GFRAL: variants seen among roughly 807,000 people sequenced by gnomAD.
GFRAL encodes the protein GDNF family receptor alpha like, also known as GDNF family receptor alpha-like.
A neutral mutation model predicts 45.4 loss-of-function variants in GFRAL; 36 were observed. The ratio of observed to expected loss-of-function variants is 0.79; its 90% CI spans 0.61 to 1.05. The LOEUF (loss-of-function observed/expected upper bound fraction) is 1.05, where lower values mean the gene tolerates loss of function less well. GFRAL is among the 50% of genes least tolerant of loss of function. The pLI is 0.00. For missense variants in GFRAL, 507 were observed against 467.5 expected (o/e 1.08, Z -0.78); for synonymous variants, 166 against 154.1 (o/e 1.08, Z -0.57).
At chr6:55,394,180 G>T (rs752547743) in intron 6 of GFRAL, among the ~76,000 whole-genome samples, 52 of 152,194 alleles carry the variant, frequency 3.4e-4, no homozygotes, top group Middle Eastern at 3.2e-3. Context: ...AGTATAGTAA[G>T]AGGAAACCTA....
chr6:55,392,840 T>C (rs1400982346), intron 6 of GFRAL, among the ~76,000 whole-genome samples: 1 of 151,964 alleles, frequency 6.6e-6, no homozygotes, highest in Admixed American at 6.6e-5. Flanking sequence ...AGTTCACCTA[T>C]GTAACAAACC....
intron 1 of GFRAL, among the ~76,000 whole-genome samples, chr6:55,331,239 G>A (rs1265355659): frequency 6.6e-6 from 1 of 152,068 alleles, no homozygotes; most frequent in African/African-American, 2.4e-5. Context: ...TACTTTACTA[G>A]AAGAATAAAA....
intron 3 of GFRAL, among the ~76,000 whole-genome samples, chr6:55,340,227 T>A (rs1233242191): frequency 6.6e-6 from 1 of 152,150 alleles, no homozygotes; most frequent in East Asian, 1.9e-4. Flanking sequence ...TCCACAGACC[T>A]TCTAATCATC....
chr6:55,394,239 GC>G (rs1768792781), intron 6 of GFRAL, among the ~76,000 whole-genome samples: 1 of 152,110 alleles, frequency 6.6e-6, no homozygotes, highest in Non-Finnish European at 1.5e-5. Context: ...AGATATGCAA[GC>G]AAAAATATCA....
intron 6 of GFRAL, among the ~76,000 whole-genome samples, chr6:55,365,869 A>T (rs1247708606): frequency 2.0e-5 from 3 of 146,524 alleles, no homozygotes; most frequent in African/African-American, 5.2e-5. Flanking sequence ...TTTTTGCATC[A>T]ATGTTCATCA....
chr6:55,391,688 T>C (rs55776738), intron 6 of GFRAL, among the ~76,000 whole-genome samples: 14,850 of 151,302 alleles, frequency 0.098, 1,003 homozygotes, highest in African/African-American at 0.2. Flanking sequence ...AGTTCAAAGT[T>C]GCAGTGAAGT....
intron 3 of GFRAL, among the ~76,000 whole-genome samples, chr6:55,341,850 C>A (rs1490995382): frequency 3.3e-5 from 5 of 152,112 alleles, no homozygotes; most frequent in Non-Finnish European, 7.3e-5. Flanking sequence ...AGCTGAAAAC[C>A]ATGGCACGAG....
At chr6:55,334,106 CTATT>C (rs1767863890) in intron 3 of GFRAL, among the ~76,000 whole-genome samples, 162 bp downstream of exon 3, 1 of 151,906 alleles carries the variant, frequency 6.6e-6, no homozygotes, top group Non-Finnish European at 1.5e-5. Flanking sequence ...GTAGGTGTAT[CTATT>C]TGAGGGGTAC....
chr6:55,338,936 C>T (rs1212299666), intron 3 of GFRAL, among the ~76,000 whole-genome samples: 1 of 151,966 alleles, frequency 6.6e-6, no homozygotes, highest in Non-Finnish European at 1.5e-5. Context: ...TCATCAGTTT[C>T]TCAAAAGTTA....
At chr6:55,332,105 G>GT (rs1310914232) in intron 2 of GFRAL, among the ~76,000 whole-genome samples, 4 of 151,936 alleles carry the variant, frequency 2.6e-5, no homozygotes, top group African/African-American at 9.7e-5. Flanking sequence ...CTCTCACCAT[G>GT]TATAATGCTA....
intron 6 of GFRAL, among the ~76,000 whole-genome samples, chr6:55,366,061 A>G (rs945599933): frequency 2.0e-5 from 3 of 151,490 alleles, no homozygotes; most frequent in African/African-American, 4.9e-5. Context: ...CTGTGAATCC[A>G]TCTGGTCCTT....
chr6:55,336,047 T>C (rs114324555), intron 3 of GFRAL, among the ~76,000 whole-genome samples: 1,992 of 152,286 alleles, frequency 0.013, 23 homozygotes, highest in Non-Finnish European at 0.022. Flanking sequence ...TGGGTTCAAG[T>C]GATTCTCTTG....
At chr6:55,379,541 T>C (rs1405910539) in intron 6 of GFRAL, among the ~76,000 whole-genome samples, 1 of 149,176 alleles carries the variant, frequency 6.7e-6, no homozygotes, top group Non-Finnish European at 1.5e-5. Flanking sequence ...AAAAATTATA[T>C]GTATTTACCA....
chr6:55,360,424 A>G (rs920719381), intron 6 of GFRAL, among the ~76,000 whole-genome samples: 1 of 152,018 alleles, frequency 6.6e-6, no homozygotes, highest in African/African-American at 2.4e-5. Flanking sequence ...ATCTGTATCT[A>G]TATCTATATA....
intron 3 of GFRAL, among the ~76,000 whole-genome samples, chr6:55,343,209 A>T (rs546489390): frequency 6.6e-6 from 1 of 152,316 alleles, no homozygotes; most frequent in African/African-American, 2.4e-5. Flanking sequence ...TCCACCCGAA[A>T]TCAACAGAAT....
At chr6:55,328,621 C>A (rs1767794495) in intron 1 of GFRAL, among the ~76,000 whole-genome samples, 1 of 150,986 alleles carries the variant, frequency 6.6e-6, no homozygotes, top group East Asian at 1.9e-4. Flanking sequence ...TTCTTTAGTT[C>A]TTTTTTGTGA....
Position 55,351,135 on chromosome 6 carries a change from A to G in GFRAL, c.371-118A>G, listed in dbSNP as rs796490326. The G allele has an allele frequency of 1.2e-5, 9 of 727,014 alleles. No homozygotes were observed. The African/African-American group carries it at 1.6e-4, about 13-fold the overall frequency. 45.0% of individuals were successfully genotyped at this position (727,014 alleles called of 1,614,324 possible). ...TCTAAAAGATGTAATGTTTGCCAAAAATAGGACATTGGTACATCATTGTAT... is the reference window on the plus strand; with the variant it reads ...TCTAAAAGATGTAATGTTTGCCAAAGATAGGACATTGGTACATCATTGTAT... On this transcript the variant is annotated intron_variant, in intron 4 of 8. Coordinates refer to ENST00000340465, the MANE Select transcript of GFRAL (RefSeq NM_207410.2).
Position 55,358,972 on chromosome 6 carries a change from A to C in GFRAL, c.786A>C (p.Leu262Phe). 6.2e-7 allele frequency: 1 copy of C among 1,613,110 alleles called. No individual in the cohort carries two copies. Among genetic ancestry groups the C allele is most frequent in the African/African-American group, 1.3e-5 (1 of 74,956 alleles). Residue 262 changes from leucine to phenylalanine, a missense_variant, in exon 6 of 9, where the codon TTA becomes TTC. By Grantham distance (22) the Leu-to-Phe change is conservative. Coordinates refer to ENST00000340465, the MANE Select transcript of GFRAL (RefSeq NM_207410.2). ...AAGATGAGAATTGCATTAGCACCTT[A>C]AGCAAACAGGACCTCACTTGTTCAG... ...CHEDENCIST[L>F]SKQDLTCSGS...
chr6:55,333,607 T>G (rs1236877007), intron 2 of GFRAL, among the ~76,000 whole-genome samples, 179 bp from the exon 3 acceptor site: 1 of 152,172 alleles, frequency 6.6e-6, no homozygotes, highest in African/African-American at 2.4e-5. Flanking sequence ...ATGGAAAATA[T>G]TCAATGAAAA....
Sources: gnomAD v4.1 joint callset for allele counts (sites outside exome capture counted in the v4.1 genomes callset) on GRCh38, gnomAD v4.1.1 for gene constraint, MANE v1.5 for transcripts, NCBI Gene and HGNC (gene_info 2026-07-23, HGNC 2026-07-21) for gene names.